CD8B2: variants seen among roughly 807,000 people sequenced by gnomAD.
CD8B2 encodes CD8B family member 2.
CD8B2 carries 11 observed loss-of-function variants against 23.7 expected under a neutral mutation model. The observed-to-expected ratio is 0.46, with a 90% CI of 0.29 to 0.77. The LOEUF is 0.77. Among genes scored for constraint, CD8B2 ranks in the 30% least tolerant of loss-of-function variants. The pLI, the probability that CD8B2 is intolerant of heterozygous loss-of-function variation, is 0.09. For missense variants in CD8B2, 197 were observed against 270.5 expected (o/e 0.73, Z 1.91); for synonymous variants, 90 against 109.3 (o/e 0.82, Z 1.10).
At position 106,487,683 on chromosome 2, in the gene CD8B2, A is replaced by G. The variant is rs563140941; in HGVS notation, c.43+214A>G. Among the ~76,000 whole-genome samples the G allele has an allele frequency of 1.3e-3, 197 of 152,238 alleles. 1 individual carries two copies. Among genetic ancestry groups the G allele is most frequent in the Admixed American group, 4.1e-3 (62 of 15,300 alleles). On this transcript the variant is annotated intron_variant, in intron 1 of 5. Transcript: ENST00000643224. ...ACCCCGGGGGACCGGAGAGCCCCTG[A>G]CTGAGGCCACCTCCCCTCAAAAGCC...
chr2:106,534,001 C>T (rs574990162), intron 5 of CD8B2, among the ~76,000 whole-genome samples: 5 of 152,210 alleles, frequency 3.3e-5, no homozygotes, highest in Non-Finnish European at 7.3e-5. Flanking sequence ...TGTGGCAAGC[C>T]TCCTGCTGGG....
intron 5 of CD8B2, among the ~76,000 whole-genome samples, chr2:106,543,630 A>G (rs1184048690): frequency 6.6e-6 from 1 of 152,312 alleles, no homozygotes; most frequent in Non-Finnish European, 1.5e-5. Context: ...CCTGGGTAAC[A>G]GGGCGAGACT....
chr2:106,521,454 G>C (rs1035947978), intron 5 of CD8B2: 1 of 152,184 alleles, frequency 6.6e-6, no homozygotes, highest in Non-Finnish European at 1.5e-5. Context: ...TGTTAGAAAA[G>C]AAAATGATAT....
chr2:106,506,787 A>G (rs996858143), intron 5 of CD8B2, 141 bp from the exon 6 acceptor site: 72 of 1,094,164 alleles, frequency 6.6e-5, no homozygotes, highest in Non-Finnish European at 8.7e-5. Context: ...TGGGCCCTAG[A>G]AACATACTAA....
chr2:106,507,621 A>G lies in CD8B2; in HGVS notation c.*681A>G. ...TTTCATTTTCTGTTTGTTTTATACA[A>G]ATGTCTTAGTTGTACAAATAAAGTC... On this transcript the variant is annotated 3_prime_UTR_variant, in exon 6 of 6. Coordinates refer to ENST00000643224, the MANE Select transcript of CD8B2 (RefSeq NM_001349727.2). The G allele has an allele frequency of 2.1e-6, 2 of 962,866 alleles. No individual in the cohort carries two copies. The highest frequency in any genetic ancestry group is 2.5e-6 in the Non-Finnish European group (2 of 809,424). The allele number at this position is 962,866 out of a possible 1,614,324, so 59.6% of individuals were successfully genotyped here.
intron 2 of CD8B2, among the ~76,000 whole-genome samples, chr2:106,493,308 C>T (rs1025290316): frequency 3.9e-5 from 6 of 152,250 alleles, no homozygotes; most frequent in Middle Eastern, 3.4e-3. Context: ...AAGTTTTATT[C>T]CTTTTAAGAA....
chr2:106,511,210 G>C (rs1679624998), downstream of CD8B2: 1 of 152,188 alleles, frequency 6.6e-6, no homozygotes, highest in South Asian at 2.1e-4. Context: ...GAGGTGGCCA[G>C]ACAGCACAGC....
At chr2:106,499,670 G>C (rs1019886891) in intron 3 of CD8B2, among the ~76,000 whole-genome samples, 8 of 151,970 alleles carry the variant, frequency 5.3e-5, no homozygotes, top group Admixed American at 3.9e-4. Context: ...GTTTCAGAAG[G>C]TTTCCATCAC....
intron 5 of CD8B2, chr2:106,543,196 A>G (rs1000245833): frequency 3.3e-5 from 5 of 152,146 alleles, no homozygotes; most frequent in Non-Finnish European, 7.3e-5. Context: ...CTGCAGCTAC[A>G]AAGTCCTGCA....
intron 5 of CD8B2, chr2:106,521,857 A>T (rs1231755242): frequency 6.6e-6 from 1 of 152,256 alleles, no homozygotes; most frequent in Admixed American, 6.5e-5. Context: ...CTTCAGCTGC[A>T]TCGGCGTCCC....
At chr2:106,534,535 A>G (rs370185307) in intron 5 of CD8B2, among the ~76,000 whole-genome samples, 9 of 152,288 alleles carry the variant, frequency 5.9e-5, no homozygotes, top group Middle Eastern at 3.4e-3. Flanking sequence ...AATATTCACA[A>G]CCTCAGGAGA....
At chr2:106,494,526 A>G (rs1679262936) in intron 2 of CD8B2, among the ~76,000 whole-genome samples, 1 of 146,166 alleles carries the variant, frequency 6.8e-6, no homozygotes, top group Admixed American at 6.9e-5. Context: ...GTGTCTCCTT[A>G]CTCCCTCTCC....
At chr2:106,528,860 A>G (rs1679952012) in intron 5 of CD8B2, among the ~76,000 whole-genome samples, 1 of 152,210 alleles carries the variant, frequency 6.6e-6, no homozygotes, top group Non-Finnish European at 1.5e-5. Context: ...TTTGGTTCGG[A>G]AATGGACCAA....
chr2:106,506,100 G>T (rs77594285), intron 5 of CD8B2, among the ~76,000 whole-genome samples: 32,996 of 151,648 alleles, frequency 0.22, 4,789 homozygotes, highest in East Asian at 0.76. Flanking sequence ...ACACCATTCC[G>T]CTGCAGCCTG....
chr2:106,498,094 T>C (rs1679332250), intron 3 of CD8B2, among the ~76,000 whole-genome samples: 1 of 152,100 alleles, frequency 6.6e-6, no homozygotes, highest in African/African-American at 2.4e-5. Context: ...CATACTTTTA[T>C]AAATGATGGC....
intron 2 of CD8B2, 93 bp downstream of exon 2, chr2:106,491,326 C>T: frequency 6.7e-6 from 8 of 1,187,578 alleles, no homozygotes; most frequent in Non-Finnish European, 9.8e-6. Context: ...GTGCCCCTGT[C>T]TGCAGCTGTG....
At chr2:106,497,231 C>T (rs1679316200) in intron 3 of CD8B2, among the ~76,000 whole-genome samples, 1 of 152,206 alleles carries the variant, frequency 6.6e-6, no homozygotes, top group African/African-American at 2.4e-5. Flanking sequence ...TGAGATCCTG[C>T]CACTGCACTC....
At chr2:106,516,231 C>T (rs1314956475) in intron 5 of CD8B2, among the ~76,000 whole-genome samples, 1 of 152,136 alleles carries the variant, frequency 6.6e-6, no homozygotes, top group South Asian at 2.1e-4. Flanking sequence ...CCTTTCCCAG[C>T]AGCACCAGGG....
chr2:106,523,802 G>A lies in CD8B2; in HGVS notation c.620+19477G>A, dbSNP rs150161753. Among the ~76,000 whole-genome samples, 12 of 152,300 alleles carry A rather than the reference G, an allele frequency of 7.9e-5. No homozygotes were observed. In the East Asian group the frequency reaches 1.7e-3, roughly 22 times the overall value. ...GTATTTATATAGCACAGGAAGAGAC[G>A]TAGCTGCAAGGGGGAAGGAATGAGG... On this transcript the variant is annotated intron_variant, in intron 5 of 5. Transcript: ENST00000416057.
Sources: gnomAD v4.1 joint callset for allele counts (sites outside exome capture counted in the v4.1 genomes callset) on GRCh38, gnomAD v4.1.1 for gene constraint, MANE v1.5 for transcripts, NCBI Gene and HGNC (gene_info 2026-07-23, HGNC 2026-07-21) for gene names.